Variants in FSTL4 observed in about 807,000 individuals in gnomAD.
FSTL4 encodes the protein follistatin like 4, also known as follistatin-related protein 4.
Under a neutral mutation model 78.2 loss-of-function variants are expected in FSTL4, and 28 were observed. That is an observed-to-expected ratio of 0.36 (90% confidence interval 0.27 to 0.49). The LOEUF (loss-of-function observed/expected upper bound fraction) is 0.49. Among genes scored for constraint, FSTL4 ranks in the 20% least tolerant of loss-of-function variants. The probability of loss-of-function intolerance (pLI) is 0.98; values close to 1 mark genes in which losing one functional copy is unlikely to be tolerated. For synonymous variants in FSTL4, 422 were observed against 440.5 expected (o/e 0.96, Z 0.53); for missense variants, 922 against 1,084.9 (o/e 0.85, Z 2.11).
the FSTL4 span, among the ~76,000 whole-genome samples, chr5:133,633,913 A>G: frequency 6.6e-6 from 1 of 152,086 alleles, no homozygotes; most frequent in Admixed American, 6.5e-5. Flanking sequence ...CAATCTTCCT[A>G]TTAGGCCTTC....
chr5:133,278,256 G>A (rs950648467), intron 6 of FSTL4, among the ~76,000 whole-genome samples: 4 of 152,180 alleles, frequency 2.6e-5, no homozygotes, highest in African/African-American at 9.7e-5. Context: ...TCTCCCTAGA[G>A]CTCTGGGGTT....
At chr5:133,342,527 A>T (rs1398700364) in intron 4 of FSTL4, among the ~76,000 whole-genome samples, 1 of 152,160 alleles carries the variant, frequency 6.6e-6, no homozygotes, top group Non-Finnish European at 1.5e-5. Flanking sequence ...CACCTGATGA[A>T]GGAGGAACAT....
chr5:133,678,056 G>T, the FSTL4 span, among the ~76,000 whole-genome samples: 1 of 152,082 alleles, frequency 6.6e-6, no homozygotes, highest in Non-Finnish European at 1.5e-5. Context: ...TATCATTTTT[G>T]TTCTGAGAAC....
At chr5:133,550,519 T>C (rs907265836) in intron 3 of FSTL4, among the ~76,000 whole-genome samples, 1 of 152,172 alleles carries the variant, frequency 6.6e-6, no homozygotes, top group Admixed American at 6.5e-5. Context: ...TAGCTAACAA[T>C]GATGGCTAAT....
intron 2 of FSTL4, among the ~76,000 whole-genome samples, chr5:133,601,724 C>T (rs1228272085): frequency 6.6e-6 from 1 of 150,818 alleles, no homozygotes; most frequent in African/African-American, 2.5e-5. Context: ...ACTCTGTCAC[C>T]CAGGCTAGAG....
At position 133,589,286 on chromosome 5, in the gene FSTL4, T is replaced by TAA. The variant is rs113649317; in HGVS notation, c.126+14570_126+14571dup. 1.3e-3 allele frequency among the ~76,000 whole-genome samples: 101 copies of TAA among 80,376 alleles called. 8 individuals carry two copies. Among genetic ancestry groups the TAA allele is most frequent in the African/African-American group, 2.0e-3 (51 of 24,902 alleles). The allele number at this position is 80,376 out of a possible 152,430, so 52.7% of individuals were successfully genotyped here. On this transcript the variant is annotated intron_variant, in intron 2 of 15. Transcript: ENST00000265342. ...ATGTACCCTAAAACTTAGAGTATAA[T>TAA]AAAAAAAAAAAAAAAGATCAAGGCC...
At chr5:133,758,454 A>T in the FSTL4 span, among the ~76,000 whole-genome samples, 1 of 152,150 alleles carries the variant, frequency 6.6e-6, no homozygotes, top group Non-Finnish European at 1.5e-5. Context: ...CTACAAAAGA[A>T]TATTTCAATC....
chr5:133,815,088 C>A, the FSTL4 span, among the ~76,000 whole-genome samples: 2 of 152,118 alleles, frequency 1.3e-5, no homozygotes, highest in East Asian at 3.9e-4. Context: ...GGGTTGAAAA[C>A]CACCACTCTA....
intron 4 of FSTL4, among the ~76,000 whole-genome samples, chr5:133,399,236 T>C (rs747468276): frequency 6.6e-6 from 1 of 152,142 alleles, no homozygotes; most frequent in African/African-American, 2.4e-5. Context: ...ACTGGTCAAG[T>C]GTTTTAGTGT....
At chr5:133,395,271 A>C (rs1390479370) in intron 4 of FSTL4, among the ~76,000 whole-genome samples, 1 of 152,150 alleles carries the variant, frequency 6.6e-6, no homozygotes, top group East Asian at 1.9e-4. Flanking sequence ...TTAGGTCTGC[A>C]GCTTCACTTC....
intron 2 of FSTL4, among the ~76,000 whole-genome samples, chr5:133,596,665 T>C (rs923823997): frequency 2.6e-4 from 40 of 152,034 alleles, no homozygotes; most frequent in Non-Finnish European, 5.7e-4. Context: ...AGGTGCTACC[T>C]TAGCCCGGTC....
intron 3 of FSTL4, among the ~76,000 whole-genome samples, chr5:133,424,821 G>C (rs1462210727): frequency 6.6e-6 from 1 of 152,224 alleles, no homozygotes; most frequent in African/African-American, 2.4e-5. Context: ...GAAAATGGGA[G>C]AATAAGCCTT....
intron 4 of FSTL4, among the ~76,000 whole-genome samples, chr5:133,386,370 C>G (rs1322154794): frequency 1.3e-5 from 2 of 152,240 alleles, no homozygotes; most frequent in African/African-American, 4.8e-5. Context: ...TGCCTTCACT[C>G]AAGTTCTTTC....
chr5:133,604,124 A>G (rs1760927242), intron 1 of FSTL4, 131 bp from the exon 2 acceptor site: 6 of 649,020 alleles, frequency 9.2e-6, no homozygotes, highest in Non-Finnish European at 1.6e-5. Flanking sequence ...CTTCTGTTCT[A>G]CCTTGGAGAG....
At chr5:133,459,966 G>A (rs1042914116) in intron 3 of FSTL4, among the ~76,000 whole-genome samples, 1 of 152,172 alleles carries the variant, frequency 6.6e-6, no homozygotes, top group East Asian at 1.9e-4. Context: ...AAACACATGA[G>A]GCTGATTCAC....
chr5:133,726,342 G>A, the FSTL4 span, among the ~76,000 whole-genome samples: 1 of 152,288 alleles, frequency 6.6e-6, no homozygotes, highest in South Asian at 2.1e-4. Flanking sequence ...CATCGACTCT[G>A]AGCACAACAT....
chr5:133,684,497 C>T, the FSTL4 span, among the ~76,000 whole-genome samples: 1 of 152,234 alleles, frequency 6.6e-6, no homozygotes, highest in Non-Finnish European at 1.5e-5. Context: ...TCCCTTATCC[C>T]AGGCCACTTC....
the FSTL4 span, among the ~76,000 whole-genome samples, chr5:133,770,558 C>A: frequency 4.5e-4 from 69 of 152,176 alleles, no homozygotes; most frequent in African/African-American, 1.5e-3. Context: ...GTCCTTTGCC[C>A]AATTTTTAAT....
At chr5:133,676,040 G>T in the FSTL4 span, among the ~76,000 whole-genome samples, 1 of 152,172 alleles carries the variant, frequency 6.6e-6, no homozygotes, top group Non-Finnish European at 1.5e-5. Context: ...GTGCCAGGGG[G>T]CTGGGAGACC....
Sources: gnomAD v4.1 joint callset for allele counts (sites outside exome capture counted in the v4.1 genomes callset) on GRCh38, gnomAD v4.1.1 for gene constraint, MANE v1.5 for transcripts, NCBI Gene and HGNC (gene_info 2026-07-23, HGNC 2026-07-21) for gene names.